The following ZFPM1 variants were observed in gnomAD, a reference collection of about 807,000 sequenced individuals.
ZFPM1 encodes zinc finger protein ZFPM1.
In ZFPM1, 28 loss-of-function variants were observed where a neutral mutation model predicts 46.3. The ratio of observed to expected loss-of-function variants is 0.60; its 90% CI spans 0.45 to 0.83. ZFPM1 has a LOEUF of 0.83. Ranked by LOEUF, ZFPM1 falls within the 40% of genes least tolerant of loss-of-function variation. ZFPM1 has a pLI of 0.00. For missense variants in ZFPM1, 1,878 were observed against 1,432.4 expected (o/e 1.31, Z -5.02); for synonymous variants, 957 against 675.9 (o/e 1.42, Z -6.45).
chr16:88,534,323 C>T lies in ZFPM1; in HGVS notation c.2365C>T (p.Pro789Ser), dbSNP rs888629023. ...PGLAPARSPG[P>S]AADGPIDLSK... ...CCTCGCCCCTGCGCGCTCGCCCGGC[C>T]CCGCGGCCGACGGCCCCATCGACCT... Residue 789 changes from proline to serine, a missense_variant, in exon 10 of 10, where the codon CCC becomes TCC. Physicochemically the swap from Pro to Ser is moderately conservative, Grantham distance 74. Coordinates refer to ENST00000319555, the MANE Select transcript of ZFPM1 (RefSeq NM_153813.3). The T allele has an allele frequency of 5.2e-6, 7 of 1,341,816 alleles. No homozygotes were observed. The highest frequency in any genetic ancestry group is 4.7e-5 in the African/African-American group (3 of 64,094). 83.1% of individuals were successfully genotyped at this position (1,341,816 alleles called of 1,614,324 possible). A position where few individuals can be genotyped will look rare whatever the true frequency, so the allele number is the denominator to read the frequency against.
intron 1 of ZFPM1, among the ~76,000 whole-genome samples, chr16:88,473,026 C>T (rs911520892): frequency 5.3e-5 from 8 of 152,266 alleles, no homozygotes; most frequent in African/African-American, 1.4e-4. Context: ...GAGGTCTGGG[C>T]GCAGGCCCTG....
intron 4 of ZFPM1, among the ~76,000 whole-genome samples, chr16:88,523,917 C>T (rs1005289347): frequency 3.9e-5 from 6 of 152,182 alleles, no homozygotes; most frequent in African/African-American, 1.2e-4. Context: ...TCGGCGGGGC[C>T]GGGCGGGAAC....
rs943826588 is a variant in ZFPM1 at position 88,453,592 on chromosome 16, G to T, written c.-47G>T. ...GCGCCCCCGCCGCCCGCCGCCGCCC[G>T]CCCGGGGCTAGAGGCGGCCGCCGGG... On this transcript the variant is annotated 5_prime_UTR_variant, in exon 1 of 10. Transcript: ENST00000319555. 16 of 990,666 alleles carry T rather than the reference G, an allele frequency of 1.6e-5. No homozygotes were observed. Among genetic ancestry groups the T allele is most frequent in the African/African-American group, 8.9e-5 (5 of 56,320 alleles). The allele number at this position is 990,666 out of a possible 1,614,324, so 61.4% of individuals were successfully genotyped here. A position where few individuals can be genotyped will look rare whatever the true frequency, so the allele number is the denominator to read the frequency against.
At chr16:88,505,726 C>A (rs1028761025) in intron 3 of ZFPM1, among the ~76,000 whole-genome samples, 1 of 152,174 alleles carries the variant, frequency 6.6e-6, no homozygotes, top group African/African-American at 2.4e-5. Flanking sequence ...GCTGACCCCA[C>A]CCAGGCCCCC....
At chr16:88,530,019 C>T (rs879563858) in intron 6 of ZFPM1, among the ~76,000 whole-genome samples, 2 of 152,140 alleles carry the variant, frequency 1.3e-5, no homozygotes, top group East Asian at 1.9e-4. Flanking sequence ...GAACACGGGC[C>T]GCAGGTGACT....
intron 1 of ZFPM1, among the ~76,000 whole-genome samples, chr16:88,455,279 G>A (rs1907494040): frequency 6.6e-6 from 1 of 152,182 alleles, no homozygotes; most frequent in Admixed American, 6.5e-5. Flanking sequence ...AGAGCCCGTA[G>A]CCCAGCCCAG....
intron 1 of ZFPM1, among the ~76,000 whole-genome samples, chr16:88,474,816 G>A (rs563239965): frequency 2.6e-5 from 4 of 152,358 alleles, no homozygotes; most frequent in Admixed American, 2.0e-4. Flanking sequence ...GGGCTGTCGG[G>A]AACCCGCATC....
Position 88,535,012 on chromosome 16 carries a change from GC to G in ZFPM1, c.*37del. 2 of 1,357,824 alleles carry G rather than the reference GC, an allele frequency of 1.5e-6. No homozygotes were observed. The highest frequency in any genetic ancestry group is 1.9e-6 in the Non-Finnish European group (2 of 1,045,798). The allele number at this position is 1,357,824 out of a possible 1,614,324, so 84.1% of individuals were successfully genotyped here. Reference sequence around the variant, plus strand: ...CACTACAGCCGCAGACGCTTTGCACGCCCCGCTGCGATGCGGGGAGGGGGCC... The same window carrying G: ...CACTACAGCCGCAGACGCTTTGCACGCCCGCTGCGATGCGGGGAGGGGGCC... On this transcript the variant is annotated 3_prime_UTR_variant, in exon 10 of 10. Transcript: ENST00000319555.
At chr16:88,455,548 G>A (rs1171947135) in intron 1 of ZFPM1, among the ~76,000 whole-genome samples, 4 of 130,524 alleles carry the variant, frequency 3.1e-5, no homozygotes, top group African/African-American at 1.1e-4. Flanking sequence ...CAGCGCCTGT[G>A]CCTGCCCGCT....
intron 4 of ZFPM1, among the ~76,000 whole-genome samples, chr16:88,516,901 T>A (rs1383271105): frequency 6.6e-6 from 1 of 152,064 alleles, no homozygotes; most frequent in African/African-American, 2.4e-5. Context: ...AGGGACAGGG[T>A]GGCTTCCCCC....
chr16:88,528,441 A>G (rs1250613541), intron 6 of ZFPM1, among the ~76,000 whole-genome samples: 2 of 152,180 alleles, frequency 1.3e-5, no homozygotes, highest in Non-Finnish European at 2.9e-5. Context: ...GCCCAGGGCC[A>G]CCACAGGGAA....
intron 3 of ZFPM1, among the ~76,000 whole-genome samples, chr16:88,506,723 C>A (rs1181090946): frequency 6.6e-6 from 1 of 152,092 alleles, no homozygotes; most frequent in Non-Finnish European, 1.5e-5. Context: ...CTCTCCCAGA[C>A]CCAGCCCTCC....
In ZFPM1 at chr16:88,534,374, C is replaced by T. The variant is rs747731283; in HGVS notation, c.2416C>T (p.Pro806Ser). The change falls in exon 10 of 10, where the codon CCC (proline) becomes TCC (serine). Residue 806 changes from proline (P) to serine (S), a missense_variant. Physicochemically the swap from Pro to Ser is moderately conservative, Grantham distance 74 (BLOSUM62 -1). Coordinates refer to ENST00000319555, the MANE Select transcript of ZFPM1 (RefSeq NM_153813.3). ...DLSKKPRRPL[P>S]GAPAPALADY... ...GAGCAAGAAGCCGCGGCGCCCGCTC[C>T]CCGGAGCCCCGGCACCGGCGCTGGC... 25 of 1,446,602 alleles carry T rather than the reference C, an allele frequency of 1.7e-5. No homozygotes were observed. Among genetic ancestry groups the T allele is most frequent in the Admixed American group, 2.6e-5 (1 of 38,650 alleles). 89.6% of individuals were successfully genotyped at this position (1,446,602 alleles called of 1,614,324 possible). A position where few individuals can be genotyped will look rare whatever the true frequency, so the allele number is the denominator to read the frequency against.
rs766117497 is a variant in ZFPM1 at position 88,533,783 on chromosome 16, G to A, written c.1825G>A (p.Ala609Thr). The change falls in exon 10 of 10, where the codon GCG (alanine) becomes ACG (threonine). Residue 609 changes from alanine (A) to threonine (T), a missense_variant. Ala to Thr is a moderately conservative substitution (Grantham distance 58, BLOSUM62 0). Transcript: ENST00000319555. Reference sequence around the variant, plus strand: ...TTCAGGCCGCCGTGCGCCCGAGGACGCGCCTGCCGCGCGCAGGCCCAAGGC... The same window carrying A: ...TTCAGGCCGCCGTGCGCCCGAGGACACGCCTGCCGCGCGCAGGCCCAAGGC... ...YCSGRRAPEDAPAARRPKAPP... is the reference protein window; with the variant it reads ...YCSGRRAPEDTPAARRPKAPP... 9.8e-6 allele frequency: 13 copies of A among 1,321,808 alleles called. No homozygotes were observed. The African/African-American group carries it at 1.3e-4, about 13-fold the overall frequency. 81.9% of individuals were successfully genotyped at this position (1,321,808 alleles called of 1,614,324 possible).
At position 88,489,071 on chromosome 16, in the gene ZFPM1, A is replaced by G; in HGVS notation, c.186A>G (p.Pro62=). 1 of 1,613,172 alleles carries G rather than the reference A, an allele frequency of 6.2e-7. No homozygotes were observed. The highest frequency in any genetic ancestry group is 1.1e-5 in the South Asian group (1 of 91,074). Residue 62 remains proline (P), a synonymous_variant, in exon 3 of 10, where the codon CCA becomes CCG. Coordinates refer to ENST00000319555, the MANE Select transcript of ZFPM1 (RefSeq NM_153813.3). The part of the protein sequence containing the change: ...SPPPLPPPTS[P]GGPKELEGQE... ...CACCGCTGCCGCCCCCCACATCCCC[A>G]GGAGGCCCCAAGGAGCTGGAAGGAC...
chr16:88,474,171 C>A (rs1908560915), intron 1 of ZFPM1, among the ~76,000 whole-genome samples: 1 of 152,210 alleles, frequency 6.6e-6, no homozygotes, highest in Admixed American at 6.5e-5. Flanking sequence ...CTTTCTCAGG[C>A]CCCGGCTCTT....
intron 4 of ZFPM1, among the ~76,000 whole-genome samples, chr16:88,525,023 A>G (rs1422109832): frequency 6.6e-6 from 1 of 152,182 alleles, no homozygotes; most frequent in Non-Finnish European, 1.5e-5. Flanking sequence ...CGTGGAAGCC[A>G]CCTGCTCTGC....
rs573888898 is a variant in ZFPM1 at position 88,502,031 on chromosome 16, C to T, written c.269-12356C>T. Among the ~76,000 whole-genome samples, 4 of 151,036 alleles carry T rather than the reference C, an allele frequency of 2.6e-5. No homozygotes were observed. In the East Asian group the frequency reaches 7.9e-4, roughly 30 times the overall value. Reference sequence around the variant, plus strand: ...CATGGTTTAACACTCCTAGTAGCTCCTCCACCCCCGACGCGGCTCCACCCG... The same window carrying T: ...CATGGTTTAACACTCCTAGTAGCTCTTCCACCCCCGACGCGGCTCCACCCG... On this transcript the variant is annotated intron_variant, in intron 3 of 9. Transcript: ENST00000319555.
chr16:88,501,886 G>C (rs539022083), intron 3 of ZFPM1, among the ~76,000 whole-genome samples: 10 of 152,068 alleles, frequency 6.6e-5, no homozygotes, highest in African/African-American at 2.4e-4. Flanking sequence ...CCCAGCCCGC[G>C]AGGGGGCTCC....
Sources: gnomAD v4.1 joint callset for allele counts (sites outside exome capture counted in the v4.1 genomes callset) on GRCh38, gnomAD v4.1.1 for gene constraint, MANE v1.5 for transcripts, NCBI Gene and HGNC (gene_info 2026-07-23, HGNC 2026-07-21) for gene names.